The following SULT4A1 variants were observed in gnomAD, a reference collection of about 807,000 sequenced individuals.
The protein encoded by SULT4A1 is sulfotransferase 4A1.
SULT4A1 carries 11 observed loss-of-function variants against 35.2 expected under a neutral mutation model. The observed-to-expected ratio is 0.31, with a 90% CI of 0.20 to 0.52. SULT4A1 has a LOEUF of 0.52. Among genes scored for constraint, SULT4A1 ranks in the 20% least tolerant of loss-of-function variants. SULT4A1 has a pLI of 0.97. For synonymous variants in SULT4A1, 152 were observed against 151.8 expected (o/e 1.00, Z -0.01); for missense variants, 271 against 383.7 (o/e 0.71, Z 2.45).
chr22:43,856,880 T>G (rs923989343), intron 1 of SULT4A1, among the ~76,000 whole-genome samples: 3 of 151,998 alleles, frequency 2.0e-5, no homozygotes, highest in Admixed American at 6.6e-5. Context: ...CTGACCTTAG[T>G]CTCTACTATC....
At chr22:43,840,565 T>C in intron 2 of SULT4A1, among the ~76,000 whole-genome samples, 1 of 152,090 alleles carries the variant, frequency 6.6e-6, no homozygotes, top group Non-Finnish European at 1.5e-5. Flanking sequence ...TGCCCCGGCT[T>C]GGAGTGGCGT....
chr22:43,858,049 C>A (rs367617942), intron 1 of SULT4A1, among the ~76,000 whole-genome samples: 460 of 91,648 alleles, frequency 5.0e-3, no homozygotes, highest in Non-Finnish European at 5.3e-3. Context: ...GATCCTGTCT[C>A]AAAAAAAAAA....
chr22:43,856,792 G>A (rs1307909412), intron 1 of SULT4A1, among the ~76,000 whole-genome samples: 4 of 152,120 alleles, frequency 2.6e-5, no homozygotes, highest in Admixed American at 6.5e-5. Context: ...CCAGACCAAC[G>A]AGGCGGGGTT....
intron 1 of SULT4A1, among the ~76,000 whole-genome samples, chr22:43,846,164 G>A (rs1316322165): frequency 3.3e-5 from 5 of 152,064 alleles, no homozygotes; most frequent in Non-Finnish European, 7.4e-5. Flanking sequence ...GAGCCCAACC[G>A]GCCCTTCCCC....
At chr22:43,860,118 G>A (rs1252510870) in intron 1 of SULT4A1, among the ~76,000 whole-genome samples, 5 of 152,192 alleles carry the variant, frequency 3.3e-5, no homozygotes. Context: ...GGGCTGACAA[G>A]GGACCAGGCC....
In SULT4A1 at chr22:43,862,431, A is replaced by ACGCGCC. The variant is rs549267654; in HGVS notation, c.-55_-50dup. On this transcript the variant is annotated 5_prime_UTR_variant, in exon 1 of 7. Coordinates refer to ENST00000330884, the MANE Select transcript of SULT4A1 (RefSeq NM_014351.4). Reference sequence around the variant, plus strand: ...CGCCGCCTCCCGGCTCGCAGCCCGCACGCGCCCGCGCCCGCGCCCGCGCCC... The same window carrying ACGCGCC: ...CGCCGCCTCCCGGCTCGCAGCCCGCACGCGCCCGCGCCCGCGCCCGCGCCCGCGCCC... 0.18 allele frequency: 171,156 copies of ACGCGCC among 962,558 alleles called. 16,567 individuals are homozygous for ACGCGCC. Among genetic ancestry groups the ACGCGCC allele is most frequent in the African/African-American group, 0.26 (14,063 of 54,498 alleles). 59.6% of individuals were successfully genotyped at this position (962,558 alleles called of 1,614,324 possible).
intron 6 of SULT4A1, chr22:43,828,721 G>C: frequency 3.7e-6 from 1 of 269,796 alleles, no homozygotes; most frequent in Non-Finnish European, 7.0e-6. Context: ...CCCAGTCCCT[G>C]GATCTGCTCT....
At chr22:43,831,757 A>T (rs1221929980) in intron 5 of SULT4A1, among the ~76,000 whole-genome samples, 2 of 152,252 alleles carry the variant, frequency 1.3e-5, no homozygotes, top group East Asian at 1.9e-4. Flanking sequence ...AGCTCCGGTG[A>T]GGGAGATGAA....
chr22:43,826,175 G>A, intron 6 of SULT4A1, 62 bp from the exon 7 acceptor site: 1 of 1,599,426 alleles, frequency 6.3e-7, no homozygotes, highest in Non-Finnish European at 8.5e-7. Flanking sequence ...CTGAACTAAA[G>A]GAAGCCTTGG....
At chr22:43,855,917 G>A (rs1027976550) in intron 1 of SULT4A1, among the ~76,000 whole-genome samples, 2 of 152,228 alleles carry the variant, frequency 1.3e-5, no homozygotes, top group Non-Finnish European at 1.5e-5. Flanking sequence ...GGGCCCTGGA[G>A]GAAGAGAAGC....
rs200759713 is a variant in SULT4A1 at position 43,839,895 on chromosome 22, C to T, written c.381+50G>A. ...ATGTGTATTGCACAGGGACCTTGGGCTCCTCTTGGTGGGGACTCATCTCGG... is the reference window on the plus strand; with the variant it reads ...ATGTGTATTGCACAGGGACCTTGGGTTCCTCTTGGTGGGGACTCATCTCGG... On this transcript the variant is annotated intron_variant, in intron 3 of 6. Transcript: ENST00000330884. The T allele has an allele frequency of 1.0e-5, 16 of 1,542,166 alleles. No homozygotes were observed. The East Asian group carries it at 3.7e-4, about 36-fold the overall frequency.
chr22:43,828,225 C>T (rs1237103557), intron 6 of SULT4A1, among the ~76,000 whole-genome samples: 5 of 152,212 alleles, frequency 3.3e-5, no homozygotes, highest in Admixed American at 3.3e-4. Context: ...CCAGGAAGTG[C>T]CCAACACACC....
rs191534145 is a variant in SULT4A1 at position 43,848,252 on chromosome 22, C to T, written c.170-6320G>A. On this transcript the variant is annotated intron_variant, in intron 1 of 6. Transcript: ENST00000330884. ...GCTGCTGGGGTCAAAGGAGATGACA[C>T]GCAGAAGGGCCACAAAGTGACCTGC... is the stretch of plus-strand genomic sequence containing the variant. Among the ~76,000 whole-genome samples the T allele has an allele frequency of 1.6e-4, 25 of 152,260 alleles. No homozygotes were observed. The East Asian group carries it at 3.1e-3, about 19-fold the overall frequency.
chr22:43,825,819 C>T lies in SULT4A1; in HGVS notation c.*182G>A, dbSNP rs148659838. The T allele has an allele frequency of 6.8e-4, 409 of 605,212 alleles. No homozygotes were observed. Among genetic ancestry groups the T allele is most frequent in the Middle Eastern group, 3.2e-3 (7 of 2,190 alleles). 37.5% of individuals were successfully genotyped at this position (605,212 alleles called of 1,614,324 possible). ...ATGGAGAGGCTGCACGTTCTAAAGG[C>T]GAGACAGCTGCTTTCGGTTGGGAAT... On this transcript the variant is annotated 3_prime_UTR_variant, in exon 7 of 7. Coordinates refer to ENST00000330884, the MANE Select transcript of SULT4A1 (RefSeq NM_014351.4).
intron 4 of SULT4A1, among the ~76,000 whole-genome samples, chr22:43,836,791 C>G (rs1035438106): frequency 2.6e-5 from 4 of 151,672 alleles, no homozygotes; most frequent in African/African-American, 9.7e-5. Flanking sequence ...GCAGGTGCCA[C>G]AGGGACCCAG....
chr22:43,835,919 G>T (rs928260537), intron 4 of SULT4A1, among the ~76,000 whole-genome samples: 3 of 152,350 alleles, frequency 2.0e-5, no homozygotes, highest in Admixed American at 6.5e-5. Flanking sequence ...TGAGCTGTAG[G>T]TTGCTGGGTG....
intron 1 of SULT4A1, among the ~76,000 whole-genome samples, chr22:43,847,346 C>T (rs1304459251): frequency 6.6e-6 from 1 of 152,264 alleles, no homozygotes; most frequent in Non-Finnish European, 1.5e-5. Context: ...CACTTCTAAG[C>T]ACTTGGAACC....
intron 1 of SULT4A1, among the ~76,000 whole-genome samples, chr22:43,842,446 G>C (rs2063440866): frequency 6.6e-6 from 1 of 152,158 alleles, no homozygotes; most frequent in South Asian, 2.1e-4. Flanking sequence ...AACAGTCTTG[G>C]CCACATCATT....
chr22:43,850,051 G>A (rs1301342502), intron 1 of SULT4A1, among the ~76,000 whole-genome samples: 2 of 152,174 alleles, frequency 1.3e-5, no homozygotes, highest in Non-Finnish European at 2.9e-5. Context: ...TCCAGCACTC[G>A]TGTACTCCAG....
Sources: allele counts gnomAD v4.1 joint callset (sites outside exome capture counted in the v4.1 genomes callset), GRCh38; gene constraint gnomAD v4.1.1; transcripts MANE v1.5; gene names NCBI Gene and HGNC (gene_info 2026-07-23, HGNC 2026-07-21).